BTG4: variants seen among roughly 807,000 people sequenced by gnomAD.
The protein encoded by BTG4 is protein BTG4.
Under a neutral mutation model 19.3 loss-of-function variants are expected in BTG4, and 10 were observed. That is an observed-to-expected ratio of 0.52 (90% confidence interval 0.32 to 0.88). The LOEUF (loss-of-function observed/expected upper bound fraction) is 0.88. Ranked by LOEUF, BTG4 falls within the 40% of genes least tolerant of loss-of-function variation. The pLI is 0.04. For synonymous variants in BTG4, 91 were observed against 95.7 expected, an observed-to-expected ratio of 0.95 and a Z score of 0.29; for missense variants, 238 against 281.9, an observed-to-expected ratio of 0.84 and a Z score of 1.11.
At chr11:111,405,756 G>C in the BTG4 span, among the ~76,000 whole-genome samples, 6 of 152,188 alleles carry the variant, frequency 3.9e-5, no homozygotes, top group Non-Finnish European at 8.8e-5. Context: ...GATTTCAAAT[G>C]TCGACTATGC....
rs781491283 is a variant in BTG4, at chr11:111,506,848, G to T, written c.-27+5333C>A. Among the ~76,000 whole-genome samples, 76 of 152,080 alleles carry T rather than the reference G, an allele frequency of 5.0e-4. 1 individual carries two copies. Among genetic ancestry groups the T allele is most frequent in the Non-Finnish European group, 8.1e-4 (55 of 67,938 alleles). On this transcript the variant is annotated intron_variant, in intron 1 of 4. Transcript: ENST00000692032. ...GTCAAAGTGATTAGAGAAGAGAAAG[G>T]ATCAGGAAGAACTAAAGGTACTAGG... is the stretch of plus-strand genomic sequence containing the variant.
At chr11:111,443,774 C>T in the BTG4 span, among the ~76,000 whole-genome samples, 126 of 152,236 alleles carry the variant, frequency 8.3e-4, no homozygotes, top group African/African-American at 2.9e-3. Context: ...GGCAACAGGA[C>T]GAGGACCTGG....
downstream of BTG4, among the ~76,000 whole-genome samples, chr11:111,491,373 C>G (rs576973961): frequency 2.0e-5 from 3 of 152,208 alleles, no homozygotes; most frequent in East Asian, 5.8e-4. Flanking sequence ...AGGGGGAAAA[C>G]TAGGTAAAAG....
chr11:111,433,389 A>AC, the BTG4 span, among the ~76,000 whole-genome samples: 2 of 150,550 alleles, frequency 1.3e-5, no homozygotes, highest in African/African-American at 5.0e-5. Flanking sequence ...CTTACACCTT[A>AC]CAAAAAAATT....
At chr11:111,418,043 T>C in the BTG4 span, 1 of 152,254 alleles carries the variant, frequency 6.6e-6, no homozygotes, top group Admixed American at 6.5e-5. Context: ...CCTGTTGTTA[T>C]GCCTGAGGAT....
At chr11:111,478,170 G>A (rs1016955480) in intron 5 of BTG4, among the ~76,000 whole-genome samples, 2 of 152,114 alleles carry the variant, frequency 1.3e-5, no homozygotes, top group Non-Finnish European at 2.9e-5. Flanking sequence ...TAGAGAGTTA[G>A]GGCTTATGCC....
At chr11:111,402,124 G>A in the BTG4 span, among the ~76,000 whole-genome samples, 11 of 152,218 alleles carry the variant, frequency 7.2e-5, 1 homozygote, top group South Asian at 1.5e-3. Flanking sequence ...TGCTGTCCTC[G>A]TGATAGTGAA....
chr11:111,447,630 G>T, the BTG4 span, among the ~76,000 whole-genome samples: 1 of 152,224 alleles, frequency 6.6e-6, no homozygotes, highest in Admixed American at 6.5e-5. Flanking sequence ...AGGAGATAGA[G>T]AAGAACCGTG....
the BTG4 span, among the ~76,000 whole-genome samples, chr11:111,396,519 G>A: frequency 1.3e-5 from 2 of 152,206 alleles, no homozygotes; most frequent in African/African-American, 2.4e-5. Context: ...AAGCTAGTGT[G>A]CTTTTCTGTT....
chr11:111,474,151 T>C (rs796515179), intron 5 of BTG4, among the ~76,000 whole-genome samples: 1 of 152,132 alleles, frequency 6.6e-6, no homozygotes. Context: ...CCCAATCCAC[T>C]TTATTTAAAG....
the BTG4 span, chr11:111,454,913 G>C: frequency 2.3e-6 from 1 of 442,336 alleles, no homozygotes; most frequent in Admixed American, 2.4e-5. Flanking sequence ...GAGAGGCTGG[G>C]TGGCTCCGGG....
the BTG4 span, among the ~76,000 whole-genome samples, chr11:111,420,455 G>C: frequency 6.6e-6 from 1 of 152,236 alleles, no homozygotes; most frequent in Non-Finnish European, 1.5e-5. Context: ...GGATCAGGAG[G>C]AAGAAGGCAG....
chr11:111,426,505 C>T, the BTG4 span, among the ~76,000 whole-genome samples: 1 of 152,100 alleles, frequency 6.6e-6, no homozygotes, highest in Admixed American at 6.5e-5. Context: ...TGCATTGTAG[C>T]GGTGGTGGGT....
At chr11:111,440,881 G>A in the BTG4 span, among the ~76,000 whole-genome samples, 1 of 152,340 alleles carries the variant, frequency 6.6e-6, no homozygotes, top group South Asian at 2.1e-4. Flanking sequence ...ATGGAGATGA[G>A]GGGACAAGGA....
chr11:111,414,887 T>A, the BTG4 span: 1 of 152,028 alleles, frequency 6.6e-6, no homozygotes, highest in Non-Finnish European at 1.5e-5. Context: ...ACCAACACCT[T>A]CCCCAGCTGT....
intron 1 of BTG4, among the ~76,000 whole-genome samples, chr11:111,510,601 C>T (rs1448734672): frequency 6.6e-6 from 1 of 151,784 alleles, no homozygotes; most frequent in Non-Finnish European, 1.5e-5. Context: ...CTAGTAACTG[C>T]AGGCCAAATC....
chr11:111,412,521 A>G, the BTG4 span, among the ~76,000 whole-genome samples: 1 of 152,184 alleles, frequency 6.6e-6, no homozygotes, highest in Admixed American at 6.5e-5. Flanking sequence ...TTCACTTTCA[A>G]AAGGGTTTGA....
upstream of BTG4, chr11:111,514,047 C>T (rs1246961044): frequency 6.5e-6 from 1 of 153,352 alleles, no homozygotes; most frequent in East Asian, 1.9e-4. Flanking sequence ...CTCATACACA[C>T]AGACTTGTTA....
the BTG4 span, among the ~76,000 whole-genome samples, chr11:111,409,443 T>C: frequency 1.3e-5 from 2 of 152,296 alleles, no homozygotes; most frequent in Admixed American, 6.5e-5. Context: ...AATGGATTAG[T>C]TCCCATGAGA....
Sources: allele counts gnomAD v4.1 joint callset (sites outside exome capture counted in the v4.1 genomes callset), GRCh38; gene constraint gnomAD v4.1.1; transcripts MANE v1.5; gene names NCBI Gene and HGNC (gene_info 2026-07-23, HGNC 2026-07-21).